Variants in MCF2L2 observed in about 807,000 individuals in gnomAD.
MCF2L2 encodes the protein probable guanine nucleotide exchange factor MCF2L2.
Under a neutral mutation model 150.2 loss-of-function variants are expected in MCF2L2, and 102 were observed. That is an observed-to-expected ratio of 0.68 (90% CI 0.58 to 0.80). The LOEUF is 0.80. Ranked by LOEUF, MCF2L2 falls within the 30% of genes least tolerant of loss-of-function variation. The pLI, the probability that MCF2L2 is intolerant of heterozygous loss-of-function variation, is 0.00. For missense variants in MCF2L2, 1,256 were observed against 1,372.8 expected (o/e 0.91, Z 1.34); for synonymous variants, 465 against 491.3 (o/e 0.95, Z 0.71).
chr3:183,253,448 C>T (rs1724699011), intron 15 of MCF2L2: 1 of 152,234 alleles, frequency 6.6e-6, no homozygotes, highest in African/African-American at 2.4e-5. Flanking sequence ...TCTAAACTGC[C>T]CTTGAAATGA....
intron 1 of MCF2L2, among the ~76,000 whole-genome samples, chr3:183,424,927 C>T (rs536919485): frequency 1.3e-5 from 2 of 152,148 alleles, no homozygotes; most frequent in East Asian, 3.9e-4. Flanking sequence ...GTAGAAATCT[C>T]AACTATTAGG....
chr3:183,234,274 T>G (rs1723702874), intron 15 of MCF2L2, among the ~76,000 whole-genome samples: 1 of 152,154 alleles, frequency 6.6e-6, no homozygotes, highest in Non-Finnish European at 1.5e-5. Flanking sequence ...CATTGACAAT[T>G]AAAGGAAGTC....
intron 1 of MCF2L2, among the ~76,000 whole-genome samples, chr3:183,412,646 A>T (rs936933202): frequency 6.6e-6 from 1 of 152,202 alleles, no homozygotes; most frequent in African/African-American, 2.4e-5. Context: ...TCTATATACA[A>T]GATCATGTCA....
chr3:183,188,599 T>C (rs1390390770), intron 27 of MCF2L2, among the ~76,000 whole-genome samples: 1 of 152,216 alleles, frequency 6.6e-6, no homozygotes, highest in Non-Finnish European at 1.5e-5. Context: ...AGCTTCTGAA[T>C]GCAGTGGTAA....
At chr3:183,296,671 G>A (rs1728522136) in intron 12 of MCF2L2, 1 of 249,642 alleles carries the variant, frequency 4.0e-6, no homozygotes, top group African/African-American at 2.2e-5. Flanking sequence ...TAAGCTCAGT[G>A]AGGGATGGAA....
chr3:183,220,025 C>G, intron 20 of MCF2L2, 101 bp from the exon 21 acceptor site: 1 of 805,602 alleles, frequency 1.2e-6, no homozygotes. Context: ...GCCACCAATG[C>G]TAAGCTGACT....
chr3:183,187,718 C>T lies in MCF2L2; in HGVS notation c.3016+5281G>A, dbSNP rs138402722. Among the ~76,000 whole-genome samples, 1,471 of 152,316 alleles carry T rather than the reference C, an allele frequency of 9.7e-3. 27 individuals are homozygous for T. The highest frequency in any genetic ancestry group is 0.033 in the African/African-American group (1,373 of 41,572). On this transcript the variant is annotated intron_variant, in intron 27 of 29. Transcript: ENST00000328913. ...TCTTGACCTCCTGATCCTCCCGCCT[C>T]GGCCTCCCAAAGTGCTGGGATTACA...
chr3:183,389,687 G>A lies in MCF2L2; in HGVS notation c.160+9C>T. On this transcript the variant is annotated intron_variant, in intron 2 of 29. Transcript: ENST00000328913. ...AAAATCTGGAAATGCAAATGAATGT[G>A]CCCCTTACCTGAAAGAATGGCAAAT... The A allele has an allele frequency of 6.2e-7, 1 of 1,612,648 alleles. No homozygotes were observed. Among genetic ancestry groups the A allele is most frequent in the Non-Finnish European group, 8.5e-7 (1 of 1,178,704 alleles).
intron 5 of MCF2L2, among the ~76,000 whole-genome samples, chr3:183,330,148 G>T (rs1017128505): frequency 2.0e-5 from 3 of 151,098 alleles, no homozygotes; most frequent in African/African-American, 7.3e-5. Flanking sequence ...AAGAGGCTGA[G>T]GTGGGAGGAT....
intron 13 of MCF2L2, among the ~76,000 whole-genome samples, chr3:183,290,566 G>A (rs537076843): frequency 3.3e-5 from 5 of 151,178 alleles, no homozygotes; most frequent in Admixed American, 2.6e-4. Context: ...ACAGAGTCTC[G>A]CTCTGTCGCC....
chr3:183,381,842 C>G (rs1392769885), intron 2 of MCF2L2, among the ~76,000 whole-genome samples: 1 of 152,164 alleles, frequency 6.6e-6, no homozygotes, highest in Non-Finnish European at 1.5e-5. Flanking sequence ...TAATAATATT[C>G]TTCCTCTTTG....
intron 17 of MCF2L2, among the ~76,000 whole-genome samples, 154 bp downstream of exon 17, chr3:183,229,512 T>C (rs1236231960): frequency 6.6e-6 from 1 of 152,172 alleles, no homozygotes; most frequent in Non-Finnish European, 1.5e-5. Flanking sequence ...TCTCCCCTCC[T>C]TTCACTCCAA....
chr3:183,353,730 C>T (rs373336533), intron 3 of MCF2L2, among the ~76,000 whole-genome samples: 5 of 152,274 alleles, frequency 3.3e-5, no homozygotes, highest in South Asian at 2.1e-4. Context: ...ACCTCCAACA[C>T]GGGATTACAA....
In MCF2L2 at chr3:183,243,855, C is replaced by A. The variant is rs995518458; in HGVS notation, c.1863-12838G>T. Among the ~76,000 whole-genome samples the A allele has an allele frequency of 5.9e-5, 9 of 152,224 alleles. No homozygotes were observed. The South Asian group carries it at 8.3e-4, about 14-fold the overall frequency. ...GCAACCAACTCCAGAAACCCAAAAA[C>A]CAACTAAAGAAATCTATCCTTCTGT... is the stretch of plus-strand genomic sequence containing the variant. On this transcript the variant is annotated intron_variant, in intron 15 of 29. Transcript: ENST00000328913.
At chr3:183,406,183 G>A (rs1715030031) in intron 1 of MCF2L2, among the ~76,000 whole-genome samples, 2 of 152,154 alleles carry the variant, frequency 1.3e-5, no homozygotes, top group Admixed American at 1.3e-4. Context: ...CAACATGGCT[G>A]TACCATTTTA....
At chr3:183,257,873 CACA>C (rs763875037) in intron 15 of MCF2L2, among the ~76,000 whole-genome samples, 7 of 151,156 alleles carry the variant, frequency 4.6e-5, no homozygotes, top group Non-Finnish European at 8.8e-5. Context: ...CCACTCAAGC[CACA>C]ACTTTTTCTC....
At chr3:183,324,607 C>T (rs1204506373) in intron 5 of MCF2L2, among the ~76,000 whole-genome samples, 1 of 151,966 alleles carries the variant, frequency 6.6e-6, no homozygotes, top group Non-Finnish European at 1.5e-5. Flanking sequence ...GTGGTTTGCA[C>T]CTGTAATCCC....
chr3:183,230,248 G>T (rs1723498162), intron 16 of MCF2L2, among the ~76,000 whole-genome samples: 1 of 152,068 alleles, frequency 6.6e-6, no homozygotes, highest in African/African-American at 2.4e-5. Flanking sequence ...CAAGTAGCTG[G>T]AATTACAGGC....
chr3:183,289,202 A>T lies in MCF2L2; in HGVS notation c.1694T>A (p.Leu565Gln). 2 of 1,613,052 alleles carry T rather than the reference A, an allele frequency of 1.2e-6. No individual in the cohort carries two copies. Among genetic ancestry groups the T allele is most frequent in the Non-Finnish European group, 1.7e-6 (2 of 1,179,130 alleles). ...PSTSVPLARP[L>Q]RTSEEPYTET... The stretch of plus-strand genomic sequence containing the variant: ...CGTATAAGGTTCCTCAGACGTTCTC[A>T]GAGGACGAGCTAGAGGGACTAAGAG... The change falls in exon 14 of 30, where the codon CTG becomes CAG. Residue 565 changes from leucine to glutamine, a missense_variant. By Grantham distance (113) the Leu-to-Gln change is moderately radical. Coordinates refer to ENST00000328913, the MANE Select transcript of MCF2L2 (RefSeq NM_015078.4).
Sources: gnomAD v4.1 joint callset for allele counts (sites outside exome capture counted in the v4.1 genomes callset) on GRCh38, gnomAD v4.1.1 for gene constraint, MANE v1.5 for transcripts, NCBI Gene and HGNC (gene_info 2026-07-23, HGNC 2026-07-21) for gene names.